The following CACFD1 variants were observed in gnomAD, a reference collection of about 807,000 sequenced individuals.
CACFD1 encodes calcium channel flower homolog.
In CACFD1, 26 loss-of-function variants were observed where a neutral mutation model predicts 21.3. That is an observed-to-expected ratio of 1.22 (90% CI 0.89 to 1.69). The LOEUF (loss-of-function observed/expected upper bound fraction) is 1.69. Ranked by LOEUF, CACFD1 falls within the 40% of genes most tolerant of loss-of-function variation. CACFD1 has a pLI of 0.00. For synonymous variants in CACFD1, 121 were observed against 106.6 expected, an observed-to-expected ratio of 1.13 and a Z score of -0.83; for missense variants, 265 against 236.2, an observed-to-expected ratio of 1.12 and a Z score of -0.80.
chr9:133,460,277 G>A (rs966481282), intron 1 of CACFD1, 90 bp downstream of exon 1: 6 of 1,225,884 alleles, frequency 4.9e-6, no homozygotes, highest in South Asian at 3.7e-5. Context: ...GGCCCCAGGG[G>A]AAAGGACCCG....
rs377299778 is a variant in CACFD1 at position 133,467,997 on chromosome 9, G to A, written c.397G>A (p.Val133Met). 1.9e-6 allele frequency: 3 copies of A among 1,613,830 alleles called. No individual in the cohort carries two copies. The highest frequency in any genetic ancestry group is 2.5e-6 in the Non-Finnish European group (3 of 1,180,006). ...CAACGCCATCGCCTTTGCTACGGGG[G>A]TGCTGTACGGACTCTCTGCTCTGGG... ...LGNAIAFATGVLYGLSALGKK... is the reference protein window; with the variant it reads ...LGNAIAFATGMLYGLSALGKK... The change falls in exon 4 of 5, where the codon GTG becomes ATG. Residue 133 changes from valine to methionine, a missense_variant. Val to Met is a conservative substitution (Grantham distance 21). Coordinates refer to ENST00000316948, the MANE Select transcript of CACFD1 (RefSeq NM_017586.5).
Position 133,468,029 on chromosome 9 carries a change from G to C in CACFD1, c.428+1G>C. ...ACGGACTCTCTGCTCTGGGCAAAAAGTGCGTCTGCCAGGCCCAGCCCCTGG... is the reference window on the plus strand; with the variant it reads ...ACGGACTCTCTGCTCTGGGCAAAAACTGCGTCTGCCAGGCCCAGCCCCTGG... On this transcript the variant is annotated splice_donor_variant, in intron 4 of 4. Transcript: ENST00000316948. LOFTEE classifies it high-confidence loss of function. 6.2e-7 allele frequency: 1 copy of C among 1,612,436 alleles called. No homozygotes were observed.
chr9:133,462,091 G>C lies in CACFD1; in HGVS notation c.122-1392G>C, dbSNP rs1588223849. ...GCCCTTTATTGCTAAAGGATTCCTG[G>C]CTGGAGCCTGCTGGTCTGGCTTGAC... On this transcript the variant is annotated intron_variant, in intron 1 of 4. Coordinates refer to ENST00000316948, the MANE Select transcript of CACFD1 (RefSeq NM_017586.5). The C allele has an allele frequency of 2.3e-6, 3 of 1,302,260 alleles. No individual in the cohort carries two copies. The East Asian group carries it at 1.7e-4, about 72-fold the overall frequency. 80.7% of individuals were successfully genotyped at this position (1,302,260 alleles called of 1,614,324 possible).
intron 1 of CACFD1, among the ~76,000 whole-genome samples, chr9:133,461,339 G>A (rs1843207652): frequency 1.3e-5 from 2 of 152,222 alleles, no homozygotes; most frequent in Admixed American, 6.5e-5. Flanking sequence ...CAGAGGCAAC[G>A]GATACGGTAG....
chr9:133,463,682 C>T, intron 2 of CACFD1, 127 bp downstream of exon 2: 1 of 956,030 alleles, frequency 1.0e-6, no homozygotes. Context: ...TGGCTACTGG[C>T]TCCAGCCTGG....
chr9:133,467,945 C>A lies in CACFD1; in HGVS notation c.345C>A (p.Ile115=). Residue 115 remains isoleucine (I), a synonymous_variant, in exon 4 of 5, where the codon ATC becomes ATA. Transcript: ENST00000316948. ...GGATGGCGGTCGTTCCCATCGTCATCAGCCTGACCCTGACCACGCTGCTGG... is the reference window on the plus strand; with the variant it reads ...GGATGGCGGTCGTTCCCATCGTCATAAGCCTGACCCTGACCACGCTGCTGG... ...YCGMAVVPIV[I]SLTLTTLLGN... 6.2e-7 allele frequency: 1 copy of A among 1,613,506 alleles called. No homozygotes were observed.
intron 2 of CACFD1, 125 bp downstream of exon 2, chr9:133,463,680 G>A: frequency 1.0e-6 from 1 of 972,102 alleles, no homozygotes; most frequent in Non-Finnish European, 1.6e-6. Context: ...CATGGCTACT[G>A]GCTCCAGCCT....
intron 2 of CACFD1, 128 bp downstream of exon 2, chr9:133,463,683 TCCAG>T (rs1349556335): frequency 1.1e-6 from 1 of 939,002 alleles, no homozygotes; most frequent in Non-Finnish European, 1.7e-6. Context: ...GGCTACTGGC[TCCAG>T]CCTGGGTGCC....
chr9:133,460,284 C>A, intron 1 of CACFD1, 97 bp downstream of exon 1: 3 of 1,149,576 alleles, frequency 2.6e-6, no homozygotes, highest in Non-Finnish European at 3.4e-6. Flanking sequence ...GGGGAAAGGA[C>A]CCGCTGGGGG....
Position 133,465,154 on chromosome 9 carries a change from G to C in CACFD1, c.195-168G>C. 1 of 694,536 alleles carries C rather than the reference G, an allele frequency of 1.4e-6. No individual in the cohort carries two copies. The highest frequency in any genetic ancestry group is 2.5e-6 in the Non-Finnish European group (1 of 397,334). 43.0% of individuals were successfully genotyped at this position (694,536 alleles called of 1,614,324 possible). ...CTGGAGTCTTCAGCAGAGGCTCTCC[G>C]AGGGGTACGAGCAGGTGCCCTGGAG... On this transcript the variant is annotated intron_variant, in intron 2 of 4. Transcript: ENST00000316948. This position sits in a 1 kb window ranked among gnomAD's most constrained non-coding sequence, Gnocchi z 5.0.
At chr9:133,463,696 C>A in intron 2 of CACFD1, 141 bp downstream of exon 2, 1 of 804,128 alleles carries the variant, frequency 1.2e-6, no homozygotes, top group Non-Finnish European at 2.0e-6. Flanking sequence ...AGCCTGGGTG[C>A]CTCGGGCATG....
At chr9:133,468,075 C>A in intron 4 of CACFD1, 47 bp downstream of exon 4, 3 of 1,484,218 alleles carry the variant, frequency 2.0e-6, no homozygotes, top group Non-Finnish European at 2.8e-6. Context: ...CCTCCCTCCG[C>A]CCCCCGAAGT....
intron 2 of CACFD1, among the ~76,000 whole-genome samples, chr9:133,464,786 T>C (rs1231366254): frequency 2.0e-5 from 3 of 152,158 alleles, no homozygotes; most frequent in Non-Finnish European, 4.4e-5. Flanking sequence ...TCCCCGGGCC[T>C]GGGGCCGGTG....
intron 2 of CACFD1, among the ~76,000 whole-genome samples, chr9:133,463,985 G>T (rs1282303036): frequency 6.6e-6 from 1 of 152,228 alleles, no homozygotes. Context: ...TCTGCTGGGA[G>T]AGGGCACTCG....
Position 133,468,278 on chromosome 9 carries a change from G to T in CACFD1, c.428+250G>T, listed in dbSNP as rs905529661. ...GATAGCAAAAACATGGCTGGTGGGAGCCCCTTCCCCTCCCAGGTCTGCACC... is the reference window on the plus strand; with the variant it reads ...GATAGCAAAAACATGGCTGGTGGGATCCCCTTCCCCTCCCAGGTCTGCACC... On this transcript the variant is annotated intron_variant, in intron 4 of 4. Transcript: ENST00000316948. The T allele has an allele frequency of 6.7e-6, 10 of 1,485,032 alleles. No individual in the cohort carries two copies. In the Middle Eastern group the frequency reaches 5.2e-4, roughly 78 times the overall value. 92.0% of individuals were successfully genotyped at this position (1,485,032 alleles called of 1,614,324 possible).
At chr9:133,461,169 T>TGGGCA (rs1843199614) in intron 1 of CACFD1, among the ~76,000 whole-genome samples, 1 of 152,254 alleles carries the variant, frequency 6.6e-6, no homozygotes, top group South Asian at 2.1e-4. Flanking sequence ...GCTCTGGGCC[T>TGGGCA]GGGCAGGGCA....
At position 133,460,197 on chromosome 9, in the gene CACFD1, C is replaced by G. The variant is rs1554798019; in HGVS notation, c.121+10C>G. 8 of 1,532,064 alleles carry G rather than the reference C, an allele frequency of 5.2e-6. No homozygotes were observed. Among genetic ancestry groups the G allele is most frequent in the African/African-American group, 1.4e-5 (1 of 70,590 alleles). 94.9% of individuals were successfully genotyped at this position (1,532,064 alleles called of 1,614,324 possible). ...GTGCTGGGGGCAGTCTGTGAGTATC[C>G]AGTCGGGGAGAGGGGCCGGCCCCGC... is the stretch of plus-strand genomic sequence containing the variant. On this transcript the variant is annotated intron_variant, in intron 1 of 4. Coordinates refer to ENST00000316948, the MANE Select transcript of CACFD1 (RefSeq NM_017586.5).
chr9:133,462,343 G>A, intron 1 of CACFD1: 3 of 1,260,274 alleles, frequency 2.4e-6, no homozygotes, highest in Non-Finnish European at 3.1e-6. Context: ...AGATGTCTAA[G>A]GCTGTGCTGA....
chr9:133,465,367 C>T lies in CACFD1; in HGVS notation c.240C>T (p.Cys80=). Residue 80 remains cysteine (C), a synonymous_variant, in exon 3 of 5, where the codon TGC becomes TGT. Transcript: ENST00000316948. The surrounding 1 kb of genome is among the most constrained non-coding windows in gnomAD (Gnocchi z 5.0). ...ILLLCEAPFC[C]QFIEFANTVA... is the part of the protein sequence containing the mutation. ...TGCTGTGTGAGGCGCCCTTCTGCTG[C>T]CAGTTCATCGAGTTTGCAAACACAG... 1 of 1,614,050 alleles carries T rather than the reference C, an allele frequency of 6.2e-7. No homozygotes were observed. The highest frequency in any genetic ancestry group is 8.5e-7 in the Non-Finnish European group (1 of 1,179,932).
Sources: gnomAD v4.1 joint callset for allele counts (sites outside exome capture counted in the v4.1 genomes callset) on GRCh38, gnomAD v4.1.1 for gene constraint, Gnocchi (gnomAD v3.1) non-coding constraint, MANE v1.5 for transcripts, NCBI Gene and HGNC (gene_info 2026-07-23, HGNC 2026-07-21) for gene names.